MANBA: variants seen among roughly 807,000 people sequenced by gnomAD.
MANBA encodes the protein beta-mannosidase.
Under a neutral mutation model 111.1 loss-of-function variants are expected in MANBA, and 83 were observed. The observed-to-expected ratio is 0.75, with a 90% CI of 0.63 to 0.90. MANBA has a LOEUF of 0.90. Ranked by LOEUF, MANBA falls within the 40% of genes least tolerant of loss-of-function variation. The pLI is 0.00. For missense variants in MANBA, 1,036 were observed against 1,069.0 expected, an observed-to-expected ratio of 0.97 and a Z score of 0.43; for synonymous variants, 370 against 378.7, an observed-to-expected ratio of 0.98 and a Z score of 0.27.
intron 5 of MANBA, among the ~76,000 whole-genome samples, chr4:102,694,311 C>T (rs1051690587): frequency 6.6e-6 from 1 of 152,122 alleles, no homozygotes; most frequent in Non-Finnish European, 1.5e-5. Flanking sequence ...CCTCTTCTTT[C>T]AAATAGAGTA....
intron 11 of MANBA, 52 bp from the exon 12 acceptor site, chr4:102,657,952 T>TATAA: frequency 7.7e-7 from 1 of 1,292,764 alleles, no homozygotes; most frequent in Non-Finnish European, 1.1e-6. Flanking sequence ...TCCTGTAAAG[T>TATAA]ATGTATCATT....
chr4:102,652,442 G>A (rs112899980), intron 12 of MANBA, among the ~76,000 whole-genome samples: 2 of 152,208 alleles, frequency 1.3e-5, no homozygotes, highest in African/African-American at 4.8e-5. Context: ...AGTTACGTGG[G>A]AGGCTTTCTA....
At chr4:102,723,064 A>C (rs113107416) in intron 3 of MANBA, 23 bp from the exon 4 acceptor site, 1 of 1,607,008 alleles carries the variant, frequency 6.2e-7, no homozygotes. Flanking sequence ...GAACAATCAG[A>C]CAAACCCATG....
chr4:102,711,202 A>G (rs140247202), intron 5 of MANBA, among the ~76,000 whole-genome samples: 1 of 152,298 alleles, frequency 6.6e-6, no homozygotes, highest in African/African-American at 2.4e-5. Context: ...GGGAGAAAAT[A>G]TTTGCAGACT....
intron 13 of MANBA, among the ~76,000 whole-genome samples, chr4:102,644,492 C>T (rs1730016536): frequency 6.6e-6 from 1 of 152,064 alleles, no homozygotes; most frequent in African/African-American, 2.4e-5. Flanking sequence ...AACTGGAGGA[C>T]ATCATGTTAA....
chr4:102,728,183 T>G, intron 1 of MANBA: 1 of 539,092 alleles, frequency 1.9e-6, no homozygotes, highest in Non-Finnish European at 3.8e-6. Flanking sequence ...CTGCTCTATG[T>G]GAGGCTGTTC....
At chr4:102,673,447 G>T (rs1731583716) in intron 8 of MANBA, among the ~76,000 whole-genome samples, 1 of 151,612 alleles carries the variant, frequency 6.6e-6, no homozygotes, top group African/African-American at 2.4e-5. Flanking sequence ...GGCGGAGGTT[G>T]CAGTGAGCTG....
intron 4 of MANBA, among the ~76,000 whole-genome samples, chr4:102,716,853 G>T (rs1040116477): frequency 1.3e-5 from 2 of 152,214 alleles, no homozygotes; most frequent in South Asian, 2.1e-4. Context: ...TGTCATTTGG[G>T]TATTATTTCC....
intron 1 of MANBA, among the ~76,000 whole-genome samples, chr4:102,739,054 C>A (rs1723314003): frequency 6.6e-6 from 1 of 151,870 alleles, no homozygotes; most frequent in African/African-American, 2.4e-5. Context: ...AATTGATAGA[C>A]CACTAGTGAG....
intron 15 of MANBA, 73 bp downstream of exon 15, chr4:102,635,792 G>T (rs1729598260): frequency 1.4e-6 from 2 of 1,458,000 alleles, no homozygotes; most frequent in Non-Finnish European, 1.9e-6. Flanking sequence ...TTTCCCAAAA[G>T]AATGTAACCA....
chr4:102,663,418 C>CAACATGTT (rs1468352511), intron 11 of MANBA, among the ~76,000 whole-genome samples: 1 of 152,058 alleles, frequency 6.6e-6, no homozygotes, highest in African/African-American at 2.4e-5. Flanking sequence ...AACTATAAAT[C>CAACATGTT]CATCAAACAT....
intron 7 of MANBA, among the ~76,000 whole-genome samples, chr4:102,674,462 G>A (rs1731633627): frequency 6.6e-6 from 1 of 152,196 alleles, no homozygotes; most frequent in South Asian, 2.1e-4. Flanking sequence ...TTGTTAAAAG[G>A]TAGCCAAACA....
intron 12 of MANBA, among the ~76,000 whole-genome samples, chr4:102,656,290 A>T (rs1478137447): frequency 6.6e-6 from 1 of 152,180 alleles, no homozygotes; most frequent in Non-Finnish European, 1.5e-5. Context: ...ATTTGAACAG[A>T]CATTTCTCAA....
intron 5 of MANBA, among the ~76,000 whole-genome samples, chr4:102,692,452 G>T (rs1578907742): frequency 6.6e-6 from 1 of 152,122 alleles, no homozygotes; most frequent in East Asian, 1.9e-4. Context: ...AATTTATATT[G>T]TTTGTATAAT....
intron 11 of MANBA, among the ~76,000 whole-genome samples, chr4:102,660,387 TA>T (rs1452338769): frequency 6.6e-6 from 1 of 152,164 alleles, no homozygotes; most frequent in Non-Finnish European, 1.5e-5. Flanking sequence ...ACACTCCAGG[TA>T]ACTTCTAAAA....
chr4:102,682,937 C>A (rs1732050114), intron 7 of MANBA: 1 of 151,996 alleles, frequency 6.6e-6, no homozygotes, highest in Admixed American at 6.5e-5. Flanking sequence ...TAATAATAGA[C>A]CTAGAAACCT....
chr4:102,742,514 T>C (rs1723440417), intron 1 of MANBA, among the ~76,000 whole-genome samples: 1 of 152,186 alleles, frequency 6.6e-6, no homozygotes, highest in South Asian at 2.1e-4. Context: ...GGCATTGTAA[T>C]TGTGACTACA....
In MANBA at chr4:102,722,973, C is replaced by T. The variant is rs1560797967; in HGVS notation, c.447G>A (p.Leu149=). 6.2e-7 allele frequency: 1 copy of T among 1,614,156 alleles called. No homozygotes were observed. The highest frequency in any genetic ancestry group is 8.5e-7 in the Non-Finnish European group (1 of 1,179,988). Residue 149 remains leucine (L), a synonymous_variant, in exon 4 of 17, where the codon TTG becomes TTA. Coordinates refer to ENST00000647097, the MANE Select transcript of MANBA (RefSeq NM_005908.4). ...GAGCTTTGCTCTGCTGTGCTGCATA[C>T]AACACCGCTGACTGGAAACGCAGCT... ...SIELRFQSAV[L]YAAQQSKAHT... is the part of the protein sequence containing the mutation.
At chr4:102,723,217 C>T (rs971130689) in intron 3 of MANBA, among the ~76,000 whole-genome samples, 176 bp from the exon 4 acceptor site, 2 of 152,194 alleles carry the variant, frequency 1.3e-5, no homozygotes, top group Non-Finnish European at 1.5e-5. Context: ...CTTAGTTGCC[C>T]ACTTTTAGTT....
Sources: allele counts gnomAD v4.1 joint callset (sites outside exome capture counted in the v4.1 genomes callset), GRCh38; gene constraint gnomAD v4.1.1; transcripts MANE v1.5; gene names NCBI Gene and HGNC (gene_info 2026-07-23, HGNC 2026-07-21).